PTPN6: variants seen among roughly 807,000 people sequenced by gnomAD.
PTPN6 encodes the protein tyrosine-protein phosphatase non-receptor type 6.
PTPN6 carries 18 observed loss-of-function variants against 81.5 expected under a neutral mutation model. The ratio of observed to expected loss-of-function variants is 0.22; its 90% CI spans 0.15 to 0.33. PTPN6 has a LOEUF of 0.33. Among genes scored for constraint, PTPN6 ranks in the 10% least tolerant of loss-of-function variants. PTPN6 has a pLI of 1.00. For synonymous variants in PTPN6, 301 were observed against 310.9 expected (o/e 0.97, Z 0.33); for missense variants, 500 against 794.2 (o/e 0.63, Z 4.45).
chr12:6,960,267 G>A lies in PTPN6; in HGVS notation c.1581+28G>A, dbSNP rs371725516. 1.7e-5 allele frequency: 27 copies of A among 1,607,230 alleles called. No individual in the cohort carries two copies. Among genetic ancestry groups the A allele is most frequent in the Middle Eastern group, 1.7e-4 (1 of 6,050 alleles). On this transcript the variant is annotated intron_variant, in intron 13 of 15. Transcript: ENST00000318974. This position sits in a 1 kb window ranked among gnomAD's most constrained non-coding sequence, Gnocchi z 6.1. ...GCGTGCAGAGCAGGGCCTGGGGGGG[G>A]GGGGGGCTGCAGTGCAGGATGGGTG...
rs1946056965 is a variant in PTPN6 at position 6,957,738 on chromosome 12, A to T, written c.1159A>T (p.Thr387Ser). The T allele has an allele frequency of 8.7e-6, 14 of 1,614,000 alleles. No individual in the cohort carries two copies. Among genetic ancestry groups the T allele is most frequent in the Non-Finnish European group, 1.2e-5 (14 of 1,179,980 alleles). ...YSVTNCGEHD[T>S]TEYKLRTLQV... Reference sequence around the variant, plus strand: ...TGTGACCAACTGCGGGGAGCATGACACAACCGAATACAAACTCCGTACCTT... The same window carrying T: ...TGTGACCAACTGCGGGGAGCATGACTCAACCGAATACAAACTCCGTACCTT... The change falls in exon 10 of 16, where the codon ACA becomes TCA. Residue 387 changes from threonine (T) to serine (S), a missense_variant. Coordinates refer to ENST00000318974, the MANE Select transcript of PTPN6 (RefSeq NM_002831.6). This position sits in a 1 kb window ranked among gnomAD's most constrained non-coding sequence, Gnocchi z 6.5.
chr12:6,954,420 C>T lies in PTPN6; in HGVS notation c.327-385C>T, dbSNP rs1442862882. Among the ~76,000 whole-genome samples the T allele has an allele frequency of 1.3e-5, 2 of 152,198 alleles. No individual in the cohort carries two copies. Among genetic ancestry groups the T allele is most frequent in the East Asian group, 1.9e-4 (1 of 5,196 alleles). Reference sequence around the variant, plus strand: ...AGCCTTTCTGCCTTTCAGAGGTGGGCTCTGGGTTCGAAGCCCGGTTAGAAC... The same window carrying T: ...AGCCTTTCTGCCTTTCAGAGGTGGGTTCTGGGTTCGAAGCCCGGTTAGAAC... On this transcript the variant is annotated intron_variant, in intron 3 of 15. Coordinates refer to ENST00000318974, the MANE Select transcript of PTPN6 (RefSeq NM_002831.6). The surrounding 1 kb of genome is among the most constrained non-coding windows in gnomAD (Gnocchi z 5.4).
upstream of PTPN6, among the ~76,000 whole-genome samples, chr12:6,948,508 A>G (rs1486051167): frequency 1.3e-5 from 2 of 151,646 alleles, no homozygotes; most frequent in African/African-American, 4.8e-5. Context: ...AAGGAAAAAA[A>G]GGAAAGAGCG....
chr12:6,960,470 C>A lies in PTPN6; in HGVS notation c.1673+35C>A, dbSNP rs1946117841. On this transcript the variant is annotated intron_variant, in intron 14 of 15. Transcript: ENST00000318974. The surrounding 1 kb of genome is among the most constrained non-coding windows in gnomAD (Gnocchi z 6.1). ...CCTGACTGCCACTGCCCGGCATCCA[C>A]CCCTTTGTCCTGCCCAGCCCGATCC... 5 of 1,592,698 alleles carry A rather than the reference C, an allele frequency of 3.1e-6. No homozygotes were observed. In the East Asian group the frequency reaches 6.7e-5, roughly 21 times the overall value.
Position 6,951,475 on chromosome 12 carries a change from C to A in PTPN6, c.-38C>A, listed in dbSNP as rs782255341. On this transcript the variant is annotated 5_prime_UTR_variant, in exon 1 of 16. Transcript: ENST00000318974. This position sits in a 1 kb window ranked among gnomAD's most constrained non-coding sequence, Gnocchi z 7.2. Reference sequence around the variant, plus strand: ...CCTGCCCAGACTAGCTGCACCTCCTCATTCCCTGCGCCCCCTTCCTCTCCG... The same window carrying A: ...CCTGCCCAGACTAGCTGCACCTCCTAATTCCCTGCGCCCCCTTCCTCTCCG... 3.1e-6 allele frequency: 5 copies of A among 1,613,508 alleles called. No individual in the cohort carries two copies. In the Admixed American group the frequency reaches 8.3e-5, roughly 27 times the overall value.
Position 6,954,801 on chromosome 12 carries a change from C to G in PTPN6, c.327-4C>G. 1 of 1,613,590 alleles carries G rather than the reference C, an allele frequency of 6.2e-7. No homozygotes were observed. The highest frequency in any genetic ancestry group is 1.7e-5 in the Admixed American group (1 of 60,022). Reference sequence around the variant, plus strand: ...CTTACCTTCCCTGACGCTGCCTTCTCTAGGTGGTACCATGGCCACATGTCT... The same window carrying G: ...CTTACCTTCCCTGACGCTGCCTTCTGTAGGTGGTACCATGGCCACATGTCT... On this transcript the variant is annotated splice_polypyrimidine_tract_variant and splice_region_variant and intron_variant, in intron 3 of 15. Coordinates refer to ENST00000318974, the MANE Select transcript of PTPN6 (RefSeq NM_002831.6). This position sits in a 1 kb window ranked among gnomAD's most constrained non-coding sequence, Gnocchi z 5.4.
upstream of PTPN6, among the ~76,000 whole-genome samples, chr12:6,950,325 C>G (rs868984910): frequency 2.6e-5 from 4 of 151,956 alleles, no homozygotes; most frequent in African/African-American, 9.7e-5. Flanking sequence ...CTTATGTATC[C>G]CCTGTTGAGC....
Position 6,957,999 on chromosome 12 carries a change from C to T in PTPN6, c.1287C>T (p.Val429=). ...DHGVPSEPGG[V]LSFLDQINQR... ...GGGTCCCCAGTGAGCCTGGGGGTGT[C>T]CTCAGCTTCCTGGACCAGATCAACC... Residue 429 remains valine (V), a synonymous_variant, in exon 11 of 16, where the codon GTC becomes GTT. Coordinates refer to ENST00000318974, the MANE Select transcript of PTPN6 (RefSeq NM_002831.6). The surrounding 1 kb of genome is among the most constrained non-coding windows in gnomAD (Gnocchi z 6.5). The T allele has an allele frequency of 6.2e-7, 1 of 1,613,650 alleles. No homozygotes were observed. The highest frequency in any genetic ancestry group is 8.5e-7 in the Non-Finnish European group (1 of 1,180,030).
chr12:6,951,927 C>T lies in PTPN6; in HGVS notation c.132-56C>T, dbSNP rs1555147843. On this transcript the variant is annotated intron_variant, in intron 2 of 15. Transcript: ENST00000318974. This position sits in a 1 kb window ranked among gnomAD's most constrained non-coding sequence, Gnocchi z 7.2. ...CCCCACCCAGGACCTCAGCCGATCCCTGCCCTCCTGCCTCTACTCCTGCAC... is the reference window on the plus strand; with the variant it reads ...CCCCACCCAGGACCTCAGCCGATCCTTGCCCTCCTGCCTCTACTCCTGCAC... 1.3e-6 allele frequency: 2 copies of T among 1,591,386 alleles called. No individual in the cohort carries two copies. Among genetic ancestry groups the T allele is most frequent in the Admixed American group, 1.7e-5 (1 of 58,364 alleles).
chr12:6,959,807 C>T lies in PTPN6; in HGVS notation c.1362-120C>T, dbSNP rs1328841579. 12 of 1,072,658 alleles carry T rather than the reference C, an allele frequency of 1.1e-5. 1 individual carries two copies. The highest frequency in any genetic ancestry group is 1.4e-6 in the Non-Finnish European group (1 of 701,800). The allele number at this position is 1,072,658 out of a possible 1,614,324, so 66.4% of individuals were successfully genotyped here. On this transcript the variant is annotated intron_variant, in intron 11 of 15. Transcript: ENST00000318974. The surrounding 1 kb of genome is among the most constrained non-coding windows in gnomAD (Gnocchi z 6.6). ...TGCCCGGTGACCCTGGGCACATTCCCTCCCATCACTGGAGGCTCAGGCTGC... is the reference window on the plus strand; with the variant it reads ...TGCCCGGTGACCCTGGGCACATTCCTTCCCATCACTGGAGGCTCAGGCTGC...
In PTPN6 at chr12:6,954,985, C is replaced by A. The variant is rs2138268365; in HGVS notation, c.507C>A (p.Val169=). 1 of 1,614,108 alleles carries A rather than the reference C, an allele frequency of 6.2e-7. No individual in the cohort carries two copies. Among genetic ancestry groups the A allele is most frequent in the South Asian group, 1.1e-5 (1 of 91,072 alleles). Residue 169 remains valine, a synonymous_variant, in exon 4 of 16, where the codon GTC becomes GTA. Transcript: ENST00000318974. The surrounding 1 kb of genome is among the most constrained non-coding windows in gnomAD (Gnocchi z 5.4). ...CGCTCAGGGTCACCCACATCAAGGT[C>A]ATGTGCGAGGTAAGGCAGCCAGGCG... ...GSPLRVTHIK[V]MCEGGRYTVG... is the part of the protein sequence containing the mutation.
At position 6,961,195 on chromosome 12, in the gene PTPN6, T is replaced by C; in HGVS notation, c.*95T>C. 3.8e-6 allele frequency: 2 copies of C among 524,174 alleles called. No individual in the cohort carries two copies. Among genetic ancestry groups the C allele is most frequent in the South Asian group, 4.0e-5 (2 of 49,458 alleles). 32.5% of individuals were successfully genotyped at this position (524,174 alleles called of 1,614,324 possible). ...ACAACCTGAACCTAGGAGTGCCCCA[T>C]TCTTTTGTAATTTAAATGGCTGCAT... On this transcript the variant is annotated 3_prime_UTR_variant, in exon 16 of 16. Coordinates refer to ENST00000318974, the MANE Select transcript of PTPN6 (RefSeq NM_002831.6).
upstream of PTPN6, among the ~76,000 whole-genome samples, chr12:6,948,667 A>T (rs1555147208): frequency 6.6e-6 from 1 of 151,914 alleles, no homozygotes; most frequent in East Asian, 1.9e-4. Flanking sequence ...CCGGCTGGGC[A>T]TGGTGGCTCA....
upstream of PTPN6, among the ~76,000 whole-genome samples, chr12:6,950,776 G>T (rs1945910117): frequency 6.6e-6 from 1 of 152,200 alleles, no homozygotes; most frequent in Non-Finnish European, 1.5e-5. Context: ...TCAAAGCACT[G>T]GCTTTGGAAC....
Position 6,960,376 on chromosome 12 carries a change from C to T in PTPN6, c.1614C>T (p.Asn538=), listed in dbSNP as rs201191540. 7.2e-5 allele frequency: 116 copies of T among 1,613,644 alleles called. No homozygotes were observed. The Middle Eastern group carries it at 2.0e-3, about 28-fold the overall frequency. Residue 538 remains asparagine, a synonymous_variant, in exon 14 of 16, where the codon AAC becomes AAT. Transcript: ENST00000318974. The surrounding 1 kb of genome is among the most constrained non-coding windows in gnomAD (Gnocchi z 6.1). ...AGGGCCAGGAGTCGGAGTACGGGAA[C>T]ATCACCTATCCCCCAGCCATGAAGA... The part of the protein sequence containing the change: ...SQKGQESEYG[N]ITYPPAMKNA...
Position 6,955,069 on chromosome 12 carries a change from T to G in PTPN6, c.516+75T>G. On this transcript the variant is annotated intron_variant, in intron 4 of 15. Coordinates refer to ENST00000318974, the MANE Select transcript of PTPN6 (RefSeq NM_002831.6). The surrounding 1 kb of genome is among the most constrained non-coding windows in gnomAD (Gnocchi z 7.2). ...ACCACAGTGTGGGTGGCAGGGAGGGTCTGCCTGGGCTTGAATTCAAGGCTG... is the reference window on the plus strand; with the variant it reads ...ACCACAGTGTGGGTGGCAGGGAGGGGCTGCCTGGGCTTGAATTCAAGGCTG... The G allele has an allele frequency of 6.2e-7, 1 of 1,606,334 alleles. No homozygotes were observed. The highest frequency in any genetic ancestry group is 8.5e-7 in the Non-Finnish European group (1 of 1,173,322).
chr12:6,952,315 C>A lies in PTPN6; in HGVS notation c.326+138C>A. The A allele has an allele frequency of 1.0e-6, 1 of 966,024 alleles. No homozygotes were observed. The highest frequency in any genetic ancestry group is 1.6e-6 in the Non-Finnish European group (1 of 628,510). 59.8% of individuals were successfully genotyped at this position (966,024 alleles called of 1,614,324 possible). On this transcript the variant is annotated intron_variant, in intron 3 of 15. Coordinates refer to ENST00000318974, the MANE Select transcript of PTPN6 (RefSeq NM_002831.6). This position sits in a 1 kb window ranked among gnomAD's most constrained non-coding sequence, Gnocchi z 8.1. ...CCCTCCCTGCACCAGCTGGGGCTCTCAATGTCCCTCCTCCCTGCTGTCCTG... is the reference window on the plus strand; with the variant it reads ...CCCTCCCTGCACCAGCTGGGGCTCTAAATGTCCCTCCTCCCTGCTGTCCTG...
chr12:6,947,634 A>G (rs1945848074), upstream of PTPN6, among the ~76,000 whole-genome samples: 1 of 150,942 alleles, frequency 6.6e-6, no homozygotes, highest in Non-Finnish European at 1.5e-5. Flanking sequence ...GCACCACTGC[A>G]CACCAGCCTG....
In PTPN6 at chr12:6,959,331, CAG is replaced by C. The variant is rs1555149310; in HGVS notation, c.1362-595_1362-594del. On this transcript the variant is annotated intron_variant, in intron 11 of 15. Transcript: ENST00000318974. This position sits in a 1 kb window ranked among gnomAD's most constrained non-coding sequence, Gnocchi z 6.6. ...GGGTTTGAAATTAGACAGCGCGACT[CAG>C]GGCATCAGCTTGCTGGGCTCAGCTG... 6.3e-6 allele frequency: 1 copy of C among 159,242 alleles called. No homozygotes were observed. Among genetic ancestry groups the C allele is most frequent in the African/African-American group, 2.4e-5 (1 of 41,640 alleles). 9.9% of individuals were successfully genotyped at this position (159,242 alleles called of 1,614,324 possible). A position where few individuals can be genotyped will look rare whatever the true frequency, so the allele number is the denominator to read the frequency against.
Sources: gnomAD v4.1 joint callset for allele counts (sites outside exome capture counted in the v4.1 genomes callset) on GRCh38, gnomAD v4.1.1 for gene constraint, Gnocchi (gnomAD v3.1) non-coding constraint, MANE v1.5 for transcripts, NCBI Gene and HGNC (gene_info 2026-07-23, HGNC 2026-07-21) for gene names.